Variants in PMS1 observed in about 807,000 individuals in gnomAD.
The protein encoded by PMS1 is PMS1 homolog 1, mismatch repair system component.
PMS1 carries 79 observed loss-of-function variants against 93.1 expected under a neutral mutation model. The observed-to-expected ratio is 0.85, with a 90% confidence interval of 0.71 to 1.02. The LOEUF is 1.02. Among genes scored for constraint, PMS1 ranks in the 50% least tolerant of loss-of-function variants. The pLI is 0.00. For synonymous variants in PMS1, 335 were observed against 363.4 expected (o/e 0.92, Z 0.89); for missense variants, 1,064 against 1,085.3 (o/e 0.98, Z 0.28).
intron 12 of PMS1, among the ~76,000 whole-genome samples, chr2:189,874,426 G>A (rs1170389987): frequency 6.6e-6 from 1 of 152,128 alleles, no homozygotes; most frequent in Non-Finnish European, 1.5e-5. Flanking sequence ...TCATTTTTGT[G>A]ACAGTATTCA....
intron 1 of PMS1, among the ~76,000 whole-genome samples, chr2:189,788,106 T>C (rs533181802): frequency 3.3e-5 from 5 of 152,270 alleles, no homozygotes; most frequent in South Asian, 4.1e-4. Context: ...TGAGGTATTA[T>C]AGGAAACGAG....
At chr2:189,818,204 A>G (rs1464714462) in intron 5 of PMS1, 24 bp downstream of exon 5, 1 of 1,440,124 alleles carries the variant, frequency 6.9e-7, no homozygotes, top group Non-Finnish European at 9.7e-7. Context: ...TATCTTTATA[A>G]GTTTCTGGGT....
intron 1 of PMS1, among the ~76,000 whole-genome samples, chr2:189,790,118 G>A (rs1444349779): frequency 2.0e-5 from 3 of 152,246 alleles, no homozygotes; most frequent in South Asian, 2.1e-4. Context: ...AAATAATGTC[G>A]TAGGCAGAAT....
Position 189,854,858 on chromosome 2 carries a change from GTAA to G in PMS1, c.1594_1596del (p.Asn532del). On this transcript the variant is annotated inframe_deletion, in exon 9 of 13. Coordinates refer to ENST00000441310, the MANE Select transcript of PMS1 (RefSeq NM_000534.5). ...GAAAAAAGTTTACCATGTAAAGTAA[GTAA>G]TAATAATTATCCAATCCCTGAACAA... 1 of 1,609,970 alleles carries G rather than the reference GTAA, an allele frequency of 6.2e-7. No homozygotes were observed. Among genetic ancestry groups the G allele is most frequent in the Non-Finnish European group, 8.5e-7 (1 of 1,176,548 alleles).
chr2:189,829,492 G>A (rs2052736705), intron 5 of PMS1, among the ~76,000 whole-genome samples: 1 of 152,022 alleles, frequency 6.6e-6, no homozygotes, highest in African/African-American at 2.4e-5. Context: ...CTTAAATTTT[G>A]TGGTCCATCA....
At chr2:189,826,449 T>C (rs3791778) in intron 5 of PMS1, among the ~76,000 whole-genome samples, 14,274 of 149,280 alleles carry the variant, frequency 0.096, 795 homozygotes, top group African/African-American at 0.17. Flanking sequence ...TGGTTTGGGG[T>C]CTTTTTTTTT....
intron 7 of PMS1, among the ~76,000 whole-genome samples, chr2:189,853,139 C>T (rs1269090409): frequency 6.6e-6 from 1 of 152,072 alleles, no homozygotes; most frequent in Non-Finnish European, 1.5e-5. Flanking sequence ...CTGCAACCTC[C>T]ATCTCCTGGG....
chr2:189,796,844 C>T (rs532096141), intron 3 of PMS1, among the ~76,000 whole-genome samples: 5 of 151,618 alleles, frequency 3.3e-5, no homozygotes, highest in African/African-American at 1.2e-4. Flanking sequence ...CATTGGTGTA[C>T]AAATACCTGT....
At chr2:189,847,684 T>C (rs2054365576) in intron 6 of PMS1, among the ~76,000 whole-genome samples, 1 of 152,190 alleles carries the variant, frequency 6.6e-6, no homozygotes, top group Admixed American at 6.5e-5. Flanking sequence ...TCTCCATGAA[T>C]AGGAAATCTA....
At chr2:189,803,009 A>G (rs1255447674) in intron 3 of PMS1, among the ~76,000 whole-genome samples, 1 of 152,186 alleles carries the variant, frequency 6.6e-6, no homozygotes, top group Admixed American at 6.5e-5. Flanking sequence ...AGAGTACTTT[A>G]ATTAGTGCAC....
intron 4 of PMS1, among the ~76,000 whole-genome samples, chr2:189,809,564 G>A (rs1442748429): frequency 1.4e-5 from 2 of 140,064 alleles, no homozygotes; most frequent in Non-Finnish European, 3.0e-5. Flanking sequence ...AATCTCAATT[G>A]GCTGGGCACA....
intron 12 of PMS1, among the ~76,000 whole-genome samples, chr2:189,874,305 T>C (rs2057385851): frequency 6.6e-6 from 1 of 152,200 alleles, no homozygotes; most frequent in Admixed American, 6.5e-5. Flanking sequence ...TACCTTTATA[T>C]TACATACTTG....
chr2:189,819,349 G>A (rs952275723), intron 5 of PMS1, among the ~76,000 whole-genome samples: 1 of 152,154 alleles, frequency 6.6e-6, no homozygotes, highest in Non-Finnish European at 1.5e-5. Context: ...ATAAACATAT[G>A]AGCACAGGCG....
chr2:189,793,043 C>T (rs755112201), intron 2 of PMS1, among the ~76,000 whole-genome samples: 2 of 152,128 alleles, frequency 1.3e-5, no homozygotes, highest in Admixed American at 6.5e-5. Context: ...CTCCTGACCT[C>T]AGGTGATCCG....
Position 189,854,625 on chromosome 2 carries a change from G to A in PMS1, c.1353G>A (p.Thr451=), listed in dbSNP as rs754752991. The stretch of plus-strand genomic sequence containing the variant: ...ATGTATCATGGGAGAACTCTCAGAC[G>A]GAATATAGTAAAACTTGTTTTATAA... ...MSNVSWENSQ[T]EYSKTCFISS... is the part of the protein sequence containing the mutation. The change falls in exon 9 of 13, where the codon ACG becomes ACA. Residue 451 remains threonine, a synonymous_variant. Coordinates refer to ENST00000441310, the MANE Select transcript of PMS1 (RefSeq NM_000534.5). 6.2e-6 allele frequency: 10 copies of A among 1,613,866 alleles called. No individual in the cohort carries two copies. Among genetic ancestry groups the A allele is most frequent in the East Asian group, 4.5e-5 (2 of 44,834 alleles).
In PMS1 at chr2:189,863,918, C is replaced by T. The variant is rs2056303903; in HGVS notation, c.2032C>T (p.Leu678Phe). The T allele has an allele frequency of 1.2e-6, 2 of 1,612,918 alleles. No individual in the cohort carries two copies. Among genetic ancestry groups the T allele is most frequent in the South Asian group, 2.2e-5 (2 of 90,978 alleles). The change falls in exon 10 of 13, where the codon CTT (leucine) becomes TTT (phenylalanine). Residue 678 changes from leucine to phenylalanine, a missense_variant. Leu to Phe is a conservative substitution (Grantham distance 22). Transcript: ENST00000441310. ...LKTSLSNQPK[L>F]DELLQSQIEK... ...AACCTCATTATCTAATCAACCAAAACTTGATGAACTCCTTCAGTCCCAAAT... is the reference window on the plus strand; with the variant it reads ...AACCTCATTATCTAATCAACCAAAATTTGATGAACTCCTTCAGTCCCAAAT...
intron 7 of PMS1, 35 bp from the exon 8 acceptor site, chr2:189,853,904 T>C (rs2055049006): frequency 2.3e-6 from 3 of 1,313,026 alleles, no homozygotes; most frequent in South Asian, 1.3e-5. Flanking sequence ...TAATTACATA[T>C]TATTTTTTCT....
chr2:189,864,319 T>A (rs754842883), intron 10 of PMS1, 91 bp downstream of exon 10: 3 of 929,630 alleles, frequency 3.2e-6, no homozygotes, highest in Non-Finnish European at 5.3e-6. Flanking sequence ...TGGGAATGTT[T>A]CCTAGTAAGG....
At chr2:189,873,791 T>C in intron 12 of PMS1, 135 bp downstream of exon 12, 8 of 644,222 alleles carry the variant, frequency 1.2e-5, no homozygotes. Flanking sequence ...CTGCCTTCTG[T>C]CAGATCAGTG....
Sources: gnomAD v4.1 joint callset for allele counts (sites outside exome capture counted in the v4.1 genomes callset) on GRCh38, gnomAD v4.1.1 for gene constraint, MANE v1.5 for transcripts, NCBI Gene and HGNC (gene_info 2026-07-23, HGNC 2026-07-21) for gene names.